NKAIN3: variants seen among roughly 807,000 people sequenced by gnomAD.
NKAIN3 encodes the protein sodium/potassium-transporting ATPase subunit beta-1-interacting protein 3.
In NKAIN3, 25 loss-of-function variants were observed where a neutral mutation model predicts 30.2. The observed-to-expected ratio is 0.83, with a 90% CI of 0.60 to 1.16. The LOEUF is 1.16. Among genes scored for constraint, NKAIN3 ranks in the 50% most tolerant of loss-of-function variants. NKAIN3 has a pLI of 0.00. For synonymous variants in NKAIN3, 91 were observed against 89.6 expected (o/e 1.02, Z -0.09); for missense variants, 225 against 254.1 (o/e 0.89, Z 0.78).
intron 1 of NKAIN3, among the ~76,000 whole-genome samples, chr8:62,504,159 A>G (rs1407459077): frequency 1.3e-5 from 2 of 152,116 alleles, no homozygotes; most frequent in Non-Finnish European, 2.9e-5. Context: ...TCTGGGTTGC[A>G]TGCTCCTTAT....
chr8:62,741,040 AC>A, intron 3 of NKAIN3, among the ~76,000 whole-genome samples: 1 of 150,848 alleles, frequency 6.6e-6, no homozygotes, highest in East Asian at 1.9e-4. Context: ...AAAAAAAAAA[AC>A]ACCAAATCTT....
intron 4 of NKAIN3, among the ~76,000 whole-genome samples, chr8:62,790,750 G>A (rs1299592505): frequency 6.6e-6 from 1 of 152,032 alleles, no homozygotes; most frequent in Non-Finnish European, 1.5e-5. Flanking sequence ...AAAAGCTATT[G>A]AGAAAGACAT....
At chr8:62,759,815 T>A (rs79078141) in intron 4 of NKAIN3, among the ~76,000 whole-genome samples, 1 of 152,040 alleles carries the variant, frequency 6.6e-6, no homozygotes, top group Non-Finnish European at 1.5e-5. Context: ...GAAACTACCA[T>A]CAGAGTGAAC....
At chr8:62,526,670 C>G (rs1440264056) in intron 1 of NKAIN3, among the ~76,000 whole-genome samples, 1 of 152,080 alleles carries the variant, frequency 6.6e-6, no homozygotes, top group East Asian at 1.9e-4. Context: ...TGTGTAAATA[C>G]AGAATTACAG....
intron 1 of NKAIN3, among the ~76,000 whole-genome samples, chr8:62,295,404 C>A (rs1212278188): frequency 6.6e-6 from 1 of 152,110 alleles, no homozygotes; most frequent in Non-Finnish European, 1.5e-5. Flanking sequence ...TCAGACTCAG[C>A]GTGATTTCAT....
chr8:62,268,186 C>T (rs1812665011), intron 1 of NKAIN3, among the ~76,000 whole-genome samples: 1 of 152,148 alleles, frequency 6.6e-6, no homozygotes, highest in Non-Finnish European at 1.5e-5. Context: ...CTACAATATG[C>T]CGTCAGCAGT....
At chr8:62,754,226 T>C (rs1816376357) in intron 4 of NKAIN3, among the ~76,000 whole-genome samples, 3 of 152,164 alleles carry the variant, frequency 2.0e-5, no homozygotes, top group Admixed American at 2.0e-4. Flanking sequence ...TCTTAGTTAC[T>C]ATAAAATATT....
At chr8:62,785,948 C>G (rs892351802) in intron 4 of NKAIN3, among the ~76,000 whole-genome samples, 1 of 152,110 alleles carries the variant, frequency 6.6e-6, no homozygotes, top group Non-Finnish European at 1.5e-5. Flanking sequence ...ACTGAGCACC[C>G]TCACAACTGG....
At chr8:62,881,714 TG>T (rs1228469629) in intron 4 of NKAIN3, among the ~76,000 whole-genome samples, 4 of 152,224 alleles carry the variant, frequency 2.6e-5, no homozygotes, top group African/African-American at 9.6e-5. Flanking sequence ...TTCAGATTTT[TG>T]TGCAAACATG....
chr8:62,587,985 G>A (rs988584563), intron 2 of NKAIN3, among the ~76,000 whole-genome samples: 2 of 151,896 alleles, frequency 1.3e-5, no homozygotes, highest in Admixed American at 6.6e-5. Context: ...TGTGCATTTA[G>A]GAATTAGTCC....
At chr8:62,891,080 A>C (rs183268472) in intron 4 of NKAIN3, among the ~76,000 whole-genome samples, 8 of 152,274 alleles carry the variant, frequency 5.3e-5, no homozygotes, top group African/African-American at 1.9e-4. Flanking sequence ...GGATTGAAGG[A>C]TGCAAAGTAT....
rs1034278902 is a variant in NKAIN3, at chr8:62,993,331, C to T, written c.533-5900C>T. Among the ~76,000 whole-genome samples the T allele has an allele frequency of 2.6e-5, 4 of 152,220 alleles. No homozygotes were observed. The South Asian group carries it at 8.3e-4, about 32-fold the overall frequency. On this transcript the variant is annotated intron_variant, in intron 5 of 5. Coordinates refer to the NKAIN3 transcript ENST00000519049. ...AAATAGTTTCGTTTAGTATTTTTTA[C>T]ATTGTAATGTGTATTTGATGTATTA...
chr8:62,803,218 T>A (rs188061307), intron 4 of NKAIN3, among the ~76,000 whole-genome samples: 2 of 152,162 alleles, frequency 1.3e-5, no homozygotes, highest in African/African-American at 4.8e-5. Context: ...GACAGAAAGT[T>A]AGCAAGGATA....
At chr8:62,887,559 A>G (rs1172193958) in intron 4 of NKAIN3, among the ~76,000 whole-genome samples, 2 of 152,036 alleles carry the variant, frequency 1.3e-5, no homozygotes, top group African/African-American at 2.4e-5. Flanking sequence ...TGTTTTTTAA[A>G]TAACTGTTAT....
chr8:62,876,953 A>T (rs1230776898), intron 4 of NKAIN3, among the ~76,000 whole-genome samples: 2 of 151,878 alleles, frequency 1.3e-5, no homozygotes, highest in African/African-American at 4.8e-5. Context: ...TAAAGAAAAA[A>T]TTTTCAATAA....
chr8:62,671,653 G>C (rs562640578), intron 3 of NKAIN3, among the ~76,000 whole-genome samples: 13 of 152,048 alleles, frequency 8.5e-5, no homozygotes, highest in Non-Finnish European at 1.9e-4. Flanking sequence ...TTATTAGATT[G>C]GGGTGTGTGT....
At chr8:62,283,075 T>C (rs944104979) in intron 1 of NKAIN3, among the ~76,000 whole-genome samples, 1 of 152,178 alleles carries the variant, frequency 6.6e-6, no homozygotes, top group Non-Finnish European at 1.5e-5. Context: ...GGTTAATTGT[T>C]AAATAAAAGA....
At chr8:62,958,784 G>A (rs1823491446) in intron 6 of NKAIN3, among the ~76,000 whole-genome samples, 1 of 152,174 alleles carries the variant, frequency 6.6e-6, no homozygotes, top group Non-Finnish European at 1.5e-5. Flanking sequence ...TGAGTACCGG[G>A]AAGATTAAGC....
At chr8:62,592,053 G>A (rs921741562) in intron 3 of NKAIN3, among the ~76,000 whole-genome samples, 16 of 151,954 alleles carry the variant, frequency 1.1e-4, no homozygotes, top group African/African-American at 3.9e-4. Flanking sequence ...CTGTCAATTT[G>A]GTCCAAAATA....
Sources: allele counts gnomAD v4.1 joint callset (sites outside exome capture counted in the v4.1 genomes callset), GRCh38; gene constraint gnomAD v4.1.1; transcripts MANE v1.5; gene names NCBI Gene and HGNC (gene_info 2026-07-23, HGNC 2026-07-21).